The following FAM135B variants were observed in gnomAD, a reference collection of about 807,000 sequenced individuals.
FAM135B encodes protein FAM135B.
A neutral mutation model predicts 127.7 loss-of-function variants in FAM135B; 43 were observed. That is an observed-to-expected ratio of 0.34 (90% CI 0.26 to 0.43). The LOEUF (loss-of-function observed/expected upper bound fraction) is 0.43. FAM135B is among the 20% of genes least tolerant of loss of function. The pLI is 1.00. For missense variants in FAM135B, 1,558 were observed against 1,725.6 expected (o/e 0.90, Z 1.72); for synonymous variants, 670 against 665.1 (o/e 1.01, Z -0.11).
intron 7 of FAM135B, among the ~76,000 whole-genome samples, chr8:138,226,598 G>T (rs1819471119): frequency 6.6e-6 from 1 of 152,108 alleles, no homozygotes; most frequent in African/African-American, 2.4e-5. Flanking sequence ...CACTCTGTCG[G>T]TAGTGGAGGC....
intron 1 of FAM135B, among the ~76,000 whole-genome samples, chr8:138,410,143 A>G (rs1367679312): frequency 1.3e-5 from 2 of 152,076 alleles, no homozygotes; most frequent in African/African-American, 4.8e-5. Context: ...GAAAGCAGAT[A>G]TTTTTCTAAG....
intron 1 of FAM135B, among the ~76,000 whole-genome samples, chr8:138,401,960 C>T (rs777168920): frequency 1.8e-4 from 27 of 152,192 alleles, no homozygotes; most frequent in Middle Eastern, 3.4e-3. Flanking sequence ...GATACCAGTC[C>T]GCTTACAAAG....
intron 18 of FAM135B, among the ~76,000 whole-genome samples, 185 bp downstream of exon 18, chr8:138,138,801 G>A (rs1816877491): frequency 6.6e-6 from 1 of 152,222 alleles, no homozygotes. Context: ...TATGGGCAAT[G>A]GGCAAGAGGA....
chr8:138,295,068 C>G (rs890383126), intron 3 of FAM135B, among the ~76,000 whole-genome samples: 6 of 149,550 alleles, frequency 4.0e-5, no homozygotes, highest in Non-Finnish European at 7.4e-5. Flanking sequence ...CTCACACATT[C>G]CTGATTCAAA....
In FAM135B at chr8:138,377,834, C is replaced by A. The variant is rs191547547; in HGVS notation, c.-19-9832G>T. On this transcript the variant is annotated intron_variant, in intron 1 of 19. Coordinates refer to ENST00000395297, the MANE Select transcript of FAM135B (RefSeq NM_015912.4). Reference sequence around the variant, plus strand: ...AGCATGTATCTGCATTCAGTGATGTCCTTCTCCCCAGGGGATTTACTGCAT... The same window carrying A: ...AGCATGTATCTGCATTCAGTGATGTACTTCTCCCCAGGGGATTTACTGCAT... Among the ~76,000 whole-genome samples, 4 of 152,288 alleles carry A rather than the reference C, an allele frequency of 2.6e-5. No homozygotes were observed. In the East Asian group the frequency reaches 5.8e-4, roughly 22 times the overall value.
chr8:138,395,335 C>T (rs1016759466), intron 1 of FAM135B, among the ~76,000 whole-genome samples: 7 of 152,128 alleles, frequency 4.6e-5, no homozygotes, highest in Middle Eastern at 3.4e-3. Context: ...TGGGAGACGC[C>T]GCACCTGCTT....
chr8:138,308,199 T>C (rs1297640474), intron 3 of FAM135B, among the ~76,000 whole-genome samples: 1 of 152,178 alleles, frequency 6.6e-6, no homozygotes, highest in African/African-American at 2.4e-5. Context: ...ACCACCCAAC[T>C]GGAGACAGAA....
rs901480545 is a variant in FAM135B at position 138,131,485 on chromosome 8, CTG to C, written c.*1106_*1107del. On this transcript the variant is annotated 3_prime_UTR_variant, in exon 20 of 20. Coordinates refer to ENST00000395297, the MANE Select transcript of FAM135B (RefSeq NM_015912.4). ...CTCCTATCTGATCTCACTTTTGTCC[CTG>C]TCGTCTATTGGTTTTTATCAACGCA... The C allele has an allele frequency of 1.3e-5, 2 of 152,584 alleles. No homozygotes were observed. The highest frequency in any genetic ancestry group is 1.3e-4 in the Admixed American group (2 of 15,266). The allele number at this position is 152,584 out of a possible 1,614,324, so 9.5% of individuals were successfully genotyped here. A position where few individuals can be genotyped will look rare whatever the true frequency, so the allele number is the denominator to read the frequency against.
upstream of FAM135B, among the ~76,000 whole-genome samples, chr8:138,497,446 C>T (rs1156539293): frequency 1.3e-5 from 2 of 152,118 alleles, no homozygotes; most frequent in African/African-American, 2.4e-5. Flanking sequence ...GCTCAGTCCC[C>T]GCGGCGGGGC....
intron 2 of FAM135B, among the ~76,000 whole-genome samples, chr8:138,316,361 G>T (rs1554663322): frequency 6.6e-6 from 1 of 152,064 alleles, no homozygotes; most frequent in Non-Finnish European, 1.5e-5. Context: ...AGGCGCAGTG[G>T]CGGGCGCCTG....
At chr8:138,223,130 CGTTTTCTT>C (rs1563789031) in intron 7 of FAM135B, among the ~76,000 whole-genome samples, 1 of 152,120 alleles carries the variant, frequency 6.6e-6, no homozygotes, top group Admixed American at 6.6e-5. Context: ...TCTGAACCTC[CGTTTTCTT>C]GTTCCGAAAT....
chr8:138,271,333 AC>A (rs1282695269), intron 3 of FAM135B, among the ~76,000 whole-genome samples: 1 of 152,216 alleles, frequency 6.6e-6, no homozygotes, highest in Admixed American at 6.5e-5. Flanking sequence ...ACCCTGCTGC[AC>A]ATGGAGTATT....
intron 3 of FAM135B, among the ~76,000 whole-genome samples, chr8:138,280,357 C>A (rs1406360832): frequency 1.3e-5 from 2 of 151,792 alleles, no homozygotes; most frequent in South Asian, 2.1e-4. Flanking sequence ...ATTCAACTAC[C>A]AGATGGCCTG....
chr8:138,156,438 G>C (rs79833462), intron 12 of FAM135B, among the ~76,000 whole-genome samples: 105,466 of 151,910 alleles, frequency 0.69, 36,642 homozygotes, highest in East Asian at 0.77. Context: ...CAAGAAATAA[G>C]TAAGATCAGA....
intron 1 of FAM135B, among the ~76,000 whole-genome samples, chr8:138,461,507 T>C (rs2131617893): frequency 6.6e-6 from 1 of 152,328 alleles, no homozygotes; most frequent in South Asian, 2.1e-4. Flanking sequence ...GACCTCAGGA[T>C]TGACATTTAA....
chr8:138,208,170 C>T (rs1817847404), intron 7 of FAM135B, among the ~76,000 whole-genome samples: 1 of 152,134 alleles, frequency 6.6e-6, no homozygotes, highest in Non-Finnish European at 1.5e-5. Flanking sequence ...TTGGGGGTGG[C>T]ACACAGGAGA....
chr8:138,298,829 T>C (rs1323146285), intron 3 of FAM135B, among the ~76,000 whole-genome samples: 1 of 152,104 alleles, frequency 6.6e-6, no homozygotes, highest in African/African-American at 2.4e-5. Context: ...TCAGGACCTC[T>C]GAAATGCAAA....
At chr8:138,462,907 GGTCA>G (rs1354199746) in intron 1 of FAM135B, among the ~76,000 whole-genome samples, 1 of 152,126 alleles carries the variant, frequency 6.6e-6, no homozygotes. Flanking sequence ...GTTTCTGAGT[GGTCA>G]GTATCTATAG....
intron 1 of FAM135B, among the ~76,000 whole-genome samples, chr8:138,481,046 C>T (rs1221532454): frequency 6.6e-6 from 1 of 152,202 alleles, no homozygotes. Flanking sequence ...TGTCTGTTAC[C>T]TCTGACTTCT....
Sources: allele counts gnomAD v4.1 joint callset (sites outside exome capture counted in the v4.1 genomes callset), GRCh38; gene constraint gnomAD v4.1.1; transcripts MANE v1.5; gene names NCBI Gene and HGNC (gene_info 2026-07-23, HGNC 2026-07-21).